The following ANKRD17 variants were observed in gnomAD, a reference collection of about 807,000 sequenced individuals.
The protein encoded by ANKRD17 is ankyrin repeat domain 17.
Under a neutral mutation model 229.7 loss-of-function variants are expected in ANKRD17, and 19 were observed. That is an observed-to-expected ratio of 0.08 (90% CI 0.06 to 0.12). ANKRD17 has a LOEUF of 0.12. Among genes scored for constraint, ANKRD17 ranks in the 10% least tolerant of loss-of-function variants. The pLI, the probability that ANKRD17 is intolerant of heterozygous loss-of-function variation, is 1.00. For missense variants in ANKRD17, 2,176 were observed against 3,176.8 expected (o/e 0.68, Z 7.57); for synonymous variants, 1,112 against 1,146.1 (o/e 0.97, Z 0.60).
intron 1 of ANKRD17, among the ~76,000 whole-genome samples, chr4:73,244,816 C>A (rs1744344866): frequency 6.6e-6 from 1 of 152,146 alleles, no homozygotes; most frequent in Non-Finnish European, 1.5e-5. Context: ...GGCTGGAGAT[C>A]TAATGATCTG....
chr4:73,155,971 C>A (rs1206455395), intron 4 of ANKRD17, 48 bp downstream of exon 4: 2 of 1,531,014 alleles, frequency 1.3e-6, no homozygotes, highest in East Asian at 2.3e-5. Context: ...AGTAAGCAAG[C>A]CAGTTTTTAA....
chr4:73,175,444 C>T (rs935502729), intron 2 of ANKRD17, among the ~76,000 whole-genome samples: 2 of 152,066 alleles, frequency 1.3e-5, no homozygotes, highest in Non-Finnish European at 2.9e-5. Flanking sequence ...AGAGCCAAAC[C>T]ATATCACAAT....
intron 16 of ANKRD17, among the ~76,000 whole-genome samples, chr4:73,129,237 C>T (rs1727867337): frequency 6.6e-6 from 1 of 151,948 alleles, no homozygotes; most frequent in African/African-American, 2.4e-5. Context: ...TGAATTCTGG[C>T]TTATAAAAAA....
chr4:73,135,319 T>A (rs2148785687), intron 15 of ANKRD17, 54 bp from the exon 16 acceptor site: 1 of 1,527,378 alleles, frequency 6.5e-7, no homozygotes, highest in South Asian at 1.2e-5. Context: ...TAAGTAATAC[T>A]AAGACATATT....
chr4:73,096,705 AAAAT>A (rs1208111040), intron 27 of ANKRD17, among the ~76,000 whole-genome samples: 7 of 152,238 alleles, frequency 4.6e-5, no homozygotes, highest in Non-Finnish European at 1.0e-4. Flanking sequence ...CATGCAAAAC[AAAAT>A]ATTTTTATCC....
chr4:73,213,506 C>T (rs1207410939), intron 1 of ANKRD17, among the ~76,000 whole-genome samples: 1 of 152,140 alleles, frequency 6.6e-6, no homozygotes, highest in Non-Finnish European at 1.5e-5. Flanking sequence ...TAACACTGAA[C>T]CTAACACTGT....
chr4:73,129,761 CTT>C (rs768232283), intron 16 of ANKRD17, among the ~76,000 whole-genome samples: 17,401 of 133,832 alleles, frequency 0.13, 1,106 homozygotes, highest in South Asian at 0.19. Context: ...CTATTAATTA[CTT>C]TTTTTTTTTT....
intron 6 of ANKRD17, 68 bp from the exon 7 acceptor site, chr4:73,151,592 A>G: frequency 1.7e-6 from 2 of 1,198,806 alleles, no homozygotes; most frequent in South Asian, 1.9e-5. Flanking sequence ...TAAAATTATA[A>G]TATTTTGAAA....
At chr4:73,215,014 G>A (rs537011151) in intron 1 of ANKRD17, among the ~76,000 whole-genome samples, 2 of 152,160 alleles carry the variant, frequency 1.3e-5, no homozygotes, top group African/African-American at 4.8e-5. Context: ...GCAAATGGTA[G>A]CCAACTTTTT....
intron 5 of ANKRD17, among the ~76,000 whole-genome samples, chr4:73,154,869 G>A (rs188836552): frequency 0.012 from 1,882 of 151,766 alleles, 41 homozygotes; most frequent in African/African-American, 0.044. Context: ...GTGAAACCCC[G>A]TCTCTACTAA....
At chr4:73,085,550 A>G in intron 29 of ANKRD17, 104 bp from the exon 30 acceptor site, 1 of 1,036,432 alleles carries the variant, frequency 9.6e-7, no homozygotes, top group Non-Finnish European at 1.4e-6. Flanking sequence ...ACTATTTTAG[A>G]TAATTAAAAA....
chr4:73,111,594 A>G (rs1014840558), intron 24 of ANKRD17, among the ~76,000 whole-genome samples: 1 of 152,252 alleles, frequency 6.6e-6, no homozygotes, highest in South Asian at 2.1e-4. Context: ...TAAAAATAAA[A>G]GGAGCAAAAT....
Position 73,192,530 on chromosome 4 carries a change from C to T in ANKRD17, c.394-14997G>A, listed in dbSNP as rs573130157. 1.4e-3 allele frequency among the ~76,000 whole-genome samples: 220 copies of T among 152,010 alleles called. 2 individuals are homozygous for T. The highest frequency in any genetic ancestry group is 4.9e-3 in the African/African-American group (204 of 41,504). On this transcript the variant is annotated intron_variant, in intron 1 of 33. Transcript: ENST00000358602. ...AGAGAGAATTGTACCTTTTTACTTA[C>T]TCCATACCCTTCTATATTGCTTACC...
At chr4:73,122,351 T>C (rs1392734838) in intron 18 of ANKRD17, among the ~76,000 whole-genome samples, 2 of 152,180 alleles carry the variant, frequency 1.3e-5, no homozygotes, top group East Asian at 3.9e-4. Flanking sequence ...CCTTCAATAA[T>C]GCATGAGTTC....
intron 1 of ANKRD17, among the ~76,000 whole-genome samples, chr4:73,206,745 A>T (rs773742616): frequency 2.6e-5 from 4 of 152,276 alleles, no homozygotes; most frequent in South Asian, 2.1e-4. Flanking sequence ...GAAGAAGAAG[A>T]AGTTCAAGAG....
chr4:73,110,618 C>T (rs1379187847), intron 24 of ANKRD17, among the ~76,000 whole-genome samples: 1 of 152,112 alleles, frequency 6.6e-6, no homozygotes, highest in Non-Finnish European at 1.5e-5. Context: ...TAATATATCT[C>T]AAAAGGCTAA....
chr4:73,168,750 G>A (rs1023442691), intron 2 of ANKRD17, among the ~76,000 whole-genome samples: 4 of 152,160 alleles, frequency 2.6e-5, no homozygotes, highest in Non-Finnish European at 5.9e-5. Flanking sequence ...TTTTACGTGT[G>A]TTTCTGTTTA....
At chr4:73,250,660 T>C (rs1416044533) in intron 1 of ANKRD17, among the ~76,000 whole-genome samples, 1 of 114,372 alleles carries the variant, frequency 8.7e-6, no homozygotes, top group African/African-American at 3.5e-5. Flanking sequence ...ATGGCTCCAA[T>C]AGGAATTCCT....
intron 1 of ANKRD17, among the ~76,000 whole-genome samples, chr4:73,190,116 C>A (rs1381996945): frequency 1.3e-5 from 2 of 152,190 alleles, no homozygotes; most frequent in South Asian, 4.2e-4. Flanking sequence ...CACCTGTAAT[C>A]CTAGCATGTT....
Sources: gnomAD v4.1 joint callset for allele counts (sites outside exome capture counted in the v4.1 genomes callset) on GRCh38, gnomAD v4.1.1 for gene constraint, MANE v1.5 for transcripts, NCBI Gene and HGNC (gene_info 2026-07-23, HGNC 2026-07-21) for gene names.